The following GRM7 variants were observed in gnomAD, a reference collection of about 807,000 sequenced individuals.
The protein encoded by GRM7 is glutamate metabotropic receptor 7, also known as metabotropic glutamate receptor 7.
GRM7 carries 35 observed loss-of-function variants against 84.5 expected under a neutral mutation model. The observed-to-expected ratio is 0.41, with a 90% CI of 0.32 to 0.55. GRM7 has a LOEUF of 0.55. GRM7 is among the 20% of genes least tolerant of loss of function. The pLI is 0.19. For synonymous variants in GRM7, 487 were observed against 455.1 expected, an observed-to-expected ratio of 1.07 and a Z score of -0.89; for missense variants, 1,003 against 1,194.6, an observed-to-expected ratio of 0.84 and a Z score of 2.36.
intron 8 of GRM7, among the ~76,000 whole-genome samples, chr3:7,638,833 G>T (rs907846570): frequency 6.6e-6 from 1 of 152,216 alleles, no homozygotes; most frequent in Admixed American, 6.5e-5. Flanking sequence ...TAAAGGCTCA[G>T]TCAAGGATTG....
intron 9 of GRM7, among the ~76,000 whole-genome samples, chr3:7,701,103 T>C (rs1053641478): frequency 2.6e-5 from 4 of 152,104 alleles, no homozygotes; most frequent in African/African-American, 9.7e-5. Flanking sequence ...TGATGTGGAA[T>C]TGGCACCGCC....
chr3:7,662,059 T>C (rs1323238709), intron 8 of GRM7, among the ~76,000 whole-genome samples: 1 of 152,078 alleles, frequency 6.6e-6, no homozygotes, highest in Non-Finnish European at 1.5e-5. Context: ...AATGGAAAAC[T>C]ACCCAGCAAT....
intron 1 of GRM7, among the ~76,000 whole-genome samples, chr3:7,099,257 T>C (rs1197569100): frequency 7.4e-6 from 1 of 134,944 alleles, no homozygotes; most frequent in African/African-American, 3.4e-5. Context: ...AATACATGTA[T>C]TATACATGTA....
At chr3:7,292,794 G>A (rs113583057) in intron 2 of GRM7, among the ~76,000 whole-genome samples, 7,232 of 150,290 alleles carry the variant, frequency 0.048, 572 homozygotes, top group African/African-American at 0.17. Flanking sequence ...ACTTTTGGGA[G>A]GCTGAGGTGG....
chr3:7,025,197 C>A (rs973898352), intron 1 of GRM7, among the ~76,000 whole-genome samples: 23 of 152,144 alleles, frequency 1.5e-4, no homozygotes, highest in African/African-American at 5.3e-4. Flanking sequence ...CCAGATGGAT[C>A]ATCTAGAATA....
intron 5 of GRM7, among the ~76,000 whole-genome samples, chr3:7,442,895 G>A (rs1279671103): frequency 6.6e-6 from 1 of 152,084 alleles, no homozygotes. Context: ...CTTTAGTAGA[G>A]TGTCTCTGTC....
At chr3:7,145,843 A>C (rs908702993) in intron 1 of GRM7, among the ~76,000 whole-genome samples, 3 of 152,216 alleles carry the variant, frequency 2.0e-5, no homozygotes, top group Non-Finnish European at 2.9e-5. Flanking sequence ...AAAGCCTGTC[A>C]ATGTGCAAAG....
intron 7 of GRM7, among the ~76,000 whole-genome samples, chr3:7,468,140 T>A (rs191151835): frequency 1.9e-4 from 29 of 152,328 alleles, no homozygotes; most frequent in Admixed American, 1.8e-3. Flanking sequence ...TAAAAATGTT[T>A]TAGAAATCTT....
chr3:7,238,014 C>T (rs1035864348), intron 2 of GRM7, among the ~76,000 whole-genome samples: 1 of 152,190 alleles, frequency 6.6e-6, no homozygotes, highest in African/African-American at 2.4e-5. Flanking sequence ...TTCTCCAAGT[C>T]TCCACCTGAC....
At chr3:7,596,858 G>A (rs899839797) in intron 8 of GRM7, among the ~76,000 whole-genome samples, 1 of 152,140 alleles carries the variant, frequency 6.6e-6, no homozygotes, top group Non-Finnish European at 1.5e-5. Flanking sequence ...CAGGTAGTAG[G>A]TGGAGAGGGT....
chr3:7,336,731 T>C (rs1019053350), intron 4 of GRM7, among the ~76,000 whole-genome samples: 9 of 151,872 alleles, frequency 5.9e-5, no homozygotes, highest in African/African-American at 2.2e-4. Context: ...AAATCAGTAG[T>C]ACGGCTATAC....
chr3:7,327,707 A>C (rs1320724960), intron 4 of GRM7, among the ~76,000 whole-genome samples: 2 of 152,186 alleles, frequency 1.3e-5, no homozygotes, highest in African/African-American at 2.4e-5. Flanking sequence ...AAGCTTATTA[A>C]GATATAAACA....
At chr3:7,071,760 G>GAAAA (rs1697890326) in intron 1 of GRM7, among the ~76,000 whole-genome samples, 4 of 151,750 alleles carry the variant, frequency 2.6e-5, no homozygotes, top group African/African-American at 9.7e-5. Context: ...ATTATTTTTG[G>GAAAA]TATCAATCAA....
chr3:7,399,847 G>A (rs983488018), intron 4 of GRM7, among the ~76,000 whole-genome samples: 5 of 152,092 alleles, frequency 3.3e-5, no homozygotes, highest in African/African-American at 1.2e-4. Flanking sequence ...ATCACCAGAA[G>A]CAAATGCTGT....
chr3:7,308,405 A>G (rs1346497819), intron 4 of GRM7, among the ~76,000 whole-genome samples: 1 of 152,120 alleles, frequency 6.6e-6, no homozygotes, highest in East Asian at 1.9e-4. Context: ...GTCTAGAAAT[A>G]TCCCTATTAT....
At chr3:7,684,728 C>A (rs565866603) in intron 9 of GRM7, among the ~76,000 whole-genome samples, 1 of 152,198 alleles carries the variant, frequency 6.6e-6, no homozygotes, top group South Asian at 2.1e-4. Context: ...AAAAGTAAAT[C>A]TCAAAATTTC....
chr3:7,391,414 A>G (rs1164290388), intron 4 of GRM7, among the ~76,000 whole-genome samples: 6 of 152,278 alleles, frequency 3.9e-5, no homozygotes, highest in South Asian at 2.1e-4. Context: ...TTGTAGGGAC[A>G]TGGATGAAGC....
In GRM7 at chr3:7,680,156, A is replaced by G. The variant is rs1352548110; in HGVS notation, c.2559A>G (p.Glu853=). The G allele has an allele frequency of 1.9e-6, 3 of 1,614,110 alleles. No individual in the cohort carries two copies. The highest frequency in any genetic ancestry group is 2.5e-6 in the Non-Finnish European group (3 of 1,180,014). The change falls in exon 9 of 10, where the codon GAA becomes GAG. Residue 853 remains glutamate (E), a synonymous_variant. Coordinates refer to ENST00000357716, the MANE Select transcript of GRM7 (RefSeq NM_000844.4). ...TGTACATCATCATTTTCCACCCTGAACTCAATGTCCAGAAACGGAAGCGAA... is the reference window on the plus strand; with the variant it reads ...TGTACATCATCATTTTCCACCCTGAGCTCAATGTCCAGAAACGGAAGCGAA... ...PKVYIIIFHP[E]LNVQKRKRSF... is the part of the protein sequence containing the mutation.
At chr3:6,945,749 G>T (rs1226234929) in intron 1 of GRM7, among the ~76,000 whole-genome samples, 1 of 152,070 alleles carries the variant, frequency 6.6e-6, no homozygotes, top group Non-Finnish European at 1.5e-5. Context: ...TTTAATGATC[G>T]CCATTCTAAC....
Sources: allele counts gnomAD v4.1 joint callset (sites outside exome capture counted in the v4.1 genomes callset), GRCh38; gene constraint gnomAD v4.1.1; transcripts MANE v1.5; gene names NCBI Gene and HGNC (gene_info 2026-07-23, HGNC 2026-07-21).